TTLL5: variants seen among roughly 807,000 people sequenced by gnomAD.
TTLL5 encodes the protein tubulin tyrosine ligase like 5.
A neutral mutation model predicts 168.4 loss-of-function variants in TTLL5; 132 were observed. The observed-to-expected ratio is 0.78, with a 90% CI of 0.68 to 0.91. TTLL5 has a LOEUF of 0.91. TTLL5 is among the 40% of genes least tolerant of loss of function. TTLL5 has a pLI of 0.00. For synonymous variants in TTLL5, 546 were observed against 558.6 expected, an observed-to-expected ratio of 0.98 and a Z score of 0.32; for missense variants, 1,545 against 1,581.5, an observed-to-expected ratio of 0.98 and a Z score of 0.39.
intron 30 of TTLL5, among the ~76,000 whole-genome samples, chr14:75,884,344 G>C (rs560959615): frequency 1.3e-5 from 2 of 152,208 alleles, no homozygotes; most frequent in African/African-American, 2.4e-5. Flanking sequence ...TGGCCTGTGT[G>C]GCTAGCTGGT....
intron 30 of TTLL5, chr14:75,886,760 A>T (rs1184988668): frequency 6.3e-7 from 1 of 1,597,394 alleles, no homozygotes; most frequent in Admixed American, 1.7e-5. Context: ...CAGTCAGCTG[A>T]ACTGAGGACG....
intron 1 of TTLL5, among the ~76,000 whole-genome samples, chr14:75,662,293 T>C (rs1473018887): frequency 2.0e-5 from 3 of 152,004 alleles, no homozygotes; most frequent in East Asian, 1.9e-4. Context: ...GTGCTTGTCA[T>C]AGAGTCTAAA....
At chr14:75,709,270 A>G (rs936846539) in intron 9 of TTLL5, 2 of 748,116 alleles carry the variant, frequency 2.7e-6, no homozygotes, top group Non-Finnish European at 4.9e-6. Context: ...GTACTCTGAC[A>G]ACTATTATTT....
At chr14:75,741,823 C>T (rs114528744) in intron 15 of TTLL5, among the ~76,000 whole-genome samples, 184 of 152,148 alleles carry the variant, frequency 1.2e-3, no homozygotes, top group African/African-American at 4.1e-3. Flanking sequence ...TAGGCTGTAA[C>T]AAAGGAGTGG....
At chr14:75,891,617 G>A (rs534436370) in intron 30 of TTLL5, among the ~76,000 whole-genome samples, 1 of 152,330 alleles carries the variant, frequency 6.6e-6, no homozygotes, top group South Asian at 2.1e-4. Flanking sequence ...AGTGGTGATG[G>A]TGGAGATGGA....
At chr14:75,915,106 T>C (rs551083453) in intron 31 of TTLL5, among the ~76,000 whole-genome samples, 185 of 152,328 alleles carry the variant, frequency 1.2e-3, no homozygotes, top group Non-Finnish European at 2.1e-3. Context: ...GCTTTTTTTT[T>C]CTCCCCTCTA....
intron 27 of TTLL5, among the ~76,000 whole-genome samples, chr14:75,810,604 T>A (rs1001950152): frequency 6.6e-6 from 1 of 152,182 alleles, no homozygotes; most frequent in African/African-American, 2.4e-5. Flanking sequence ...TGGCCTCAAG[T>A]GACCCTCCTG....
chr14:75,834,550 C>A (rs1221377064), intron 28 of TTLL5, among the ~76,000 whole-genome samples: 1 of 152,106 alleles, frequency 6.6e-6, no homozygotes, highest in Non-Finnish European at 1.5e-5. Flanking sequence ...CCAGTTCTAC[C>A]CCTTACTCTG....
chr14:75,791,064 C>G (rs1231686615), intron 26 of TTLL5, among the ~76,000 whole-genome samples: 1 of 133,664 alleles, frequency 7.5e-6, no homozygotes, highest in Non-Finnish European at 1.5e-5. Flanking sequence ...CAAGATCGCG[C>G]CACTGCGCTT....
intron 31 of TTLL5, chr14:75,930,745 G>A (rs2140167394): frequency 6.5e-6 from 4 of 612,660 alleles, no homozygotes; most frequent in Middle Eastern, 8.2e-4. Flanking sequence ...AAATATTGAG[G>A]CTAAGATTAA....
chr14:75,900,744 G>A (rs11621718), intron 30 of TTLL5, among the ~76,000 whole-genome samples: 105,095 of 152,038 alleles, frequency 0.69, 37,137 homozygotes, highest in Admixed American at 0.78. Flanking sequence ...CCTGGCTAAT[G>A]CCTACCTCTC....
chr14:75,804,184 A>G (rs955019437), intron 27 of TTLL5, among the ~76,000 whole-genome samples: 5 of 151,770 alleles, frequency 3.3e-5, no homozygotes, highest in African/African-American at 9.7e-5. Flanking sequence ...GAGAGTGGGA[A>G]AAAAAAAATC....
rs1399888208 is a variant in TTLL5 at position 75,766,266 on chromosome 14, G to C, written c.1913G>C (p.Arg638Pro). The change falls in exon 20 of 32, where the codon CGT becomes CCT. Residue 638 changes from arginine (R) to proline (P), a missense_variant. Transcript: ENST00000298832. ...NTPKENSMKV[R>P]EWNNKGGHCC... ...CCCAAAGAAAATTCCATGAAAGTTC[G>C]TGAATGGAATAATAAAGGTGGACAC... The C allele has an allele frequency of 6.2e-7, 1 of 1,613,908 alleles. No individual in the cohort carries two copies. The highest frequency in any genetic ancestry group is 1.3e-5 in the African/African-American group (1 of 74,896).
At chr14:75,700,581 A>G (rs1886197721) in intron 7 of TTLL5, among the ~76,000 whole-genome samples, 1 of 152,196 alleles carries the variant, frequency 6.6e-6, no homozygotes, top group Non-Finnish European at 1.5e-5. Context: ...AGAGATGCAA[A>G]ACCCCGGAAG....
intron 31 of TTLL5, among the ~76,000 whole-genome samples, chr14:75,910,241 C>T (rs1195183059): frequency 6.6e-6 from 1 of 152,194 alleles, no homozygotes; most frequent in Admixed American, 6.5e-5. Context: ...ACAGTGGCCC[C>T]TTTCTCAAAT....
chr14:75,681,705 A>G, intron 4 of TTLL5, 78 bp downstream of exon 4: 1 of 1,240,868 alleles, frequency 8.1e-7, no homozygotes, highest in Non-Finnish European at 1.2e-6. Flanking sequence ...TTACCAGTTA[A>G]CAGGGCCAGC....
chr14:75,898,037 C>T (rs978776188), intron 30 of TTLL5, among the ~76,000 whole-genome samples: 3 of 152,156 alleles, frequency 2.0e-5, no homozygotes, highest in African/African-American at 7.2e-5. Flanking sequence ...TTCAGTATTT[C>T]TCACTGTCAA....
chr14:75,902,061 C>G, intron 30 of TTLL5, 81 bp from the exon 31 acceptor site: 1 of 1,205,428 alleles, frequency 8.3e-7, no homozygotes, highest in Non-Finnish European at 1.2e-6. Context: ...GCACCAAGAG[C>G]AAGAAGCGAA....
Position 75,669,403 on chromosome 14 carries a change from T to C in TTLL5, c.75-13T>C. The C allele has an allele frequency of 6.2e-7, 1 of 1,604,614 alleles. No individual in the cohort carries two copies. The highest frequency in any genetic ancestry group is 1.1e-5 in the South Asian group (1 of 90,444). Reference sequence around the variant, plus strand: ...TGAGCTGTAAATTAATGAAGGCTTTTTTGTCGTTATAGGGATCATCCATGC... The same window carrying C: ...TGAGCTGTAAATTAATGAAGGCTTTCTTGTCGTTATAGGGATCATCCATGC... On this transcript the variant is annotated splice_polypyrimidine_tract_variant and intron_variant, in intron 2 of 31. Coordinates refer to ENST00000298832, the MANE Select transcript of TTLL5 (RefSeq NM_015072.5).
Sources: allele counts gnomAD v4.1 joint callset (sites outside exome capture counted in the v4.1 genomes callset), GRCh38; gene constraint gnomAD v4.1.1; transcripts MANE v1.5; gene names NCBI Gene and HGNC (gene_info 2026-07-23, HGNC 2026-07-21).